RTL4: variants seen among roughly 807,000 people sequenced by gnomAD.
RTL4 encodes the protein retrotransposon Gag like 4, also known as retrotransposon Gag-like protein 4.
Under a neutral mutation model 5.3 loss-of-function variants are expected in RTL4, and 4 were observed. The observed-to-expected ratio is 0.75, with a 90% CI of 0.37 to 1.72. The LOEUF (loss-of-function observed/expected upper bound fraction) is 1.72. RTL4 is among the 40% of genes most tolerant of loss of function. RTL4 has a pLI of 0.04. For synonymous variants in RTL4, 98 were observed against 87.3 expected (o/e 1.12, Z -0.68); for missense variants, 260 against 227.1 (o/e 1.14, Z -0.93).
At chrX:112,275,979 C>A in the RTL4 span, among the ~76,000 whole-genome samples, 1 of 111,851 alleles carries the variant, frequency 8.9e-6, no homozygotes, top group Non-Finnish European at 1.9e-5. Context: ...GTTATTCTCT[C>A]TAGGGAGTGT....
the RTL4 span, among the ~76,000 whole-genome samples, chrX:112,156,475 A>G: frequency 3.6e-5 from 4 of 112,351 alleles, no homozygotes; most frequent in East Asian, 1.1e-3. Flanking sequence ...ATGGTGGAAA[A>G]TCTGGACAGA....
chrX:112,271,017 G>A, the RTL4 span, among the ~76,000 whole-genome samples: 1 of 89,166 alleles, frequency 1.1e-5, no homozygotes, highest in Middle Eastern at 6.5e-3. Context: ...CTAAGATATG[G>A]AACTGCTGTG....
At chrX:112,451,480 T>C (rs747641924), upstream of RTL4, among the ~76,000 whole-genome samples, 5 of 110,714 alleles carry the variant, frequency 4.5e-5, no homozygotes, top group Non-Finnish European at 7.6e-5. Flanking sequence ...GCCTAGGCAA[T>C]AGAGTGAGGT....
the RTL4 span, among the ~76,000 whole-genome samples, chrX:112,308,014 C>T: frequency 9.0e-6 from 1 of 111,511 alleles, no homozygotes; most frequent in Non-Finnish European, 1.9e-5. Flanking sequence ...ATTACACTAT[C>T]TTTTCTCCAA....
At chrX:112,113,196 G>A in the RTL4 span, among the ~76,000 whole-genome samples, 8 of 110,466 alleles carry the variant, frequency 7.2e-5, no homozygotes, top group Non-Finnish European at 1.5e-4. Flanking sequence ...GATTTAGACT[G>A]GGCGGGCATT....
chrX:112,162,677 G>T, the RTL4 span, among the ~76,000 whole-genome samples: 3 of 111,953 alleles, frequency 2.7e-5, no homozygotes, highest in African/African-American at 9.7e-5. Context: ...GGAAACCTTT[G>T]TTAATTATTA....
the RTL4 span, among the ~76,000 whole-genome samples, chrX:112,108,669 G>A: frequency 1.8e-5 from 2 of 111,715 alleles, no homozygotes; most frequent in Non-Finnish European, 3.8e-5. Flanking sequence ...TGTCCACTGG[G>A]GCAGTACTGA....
chrX:112,266,654 T>G, the RTL4 span, among the ~76,000 whole-genome samples: 1 of 111,441 alleles, frequency 9.0e-6, no homozygotes, highest in Non-Finnish European at 1.9e-5. Flanking sequence ...CTTTTAAAGT[T>G]GGCCATTTGA....
chrX:112,434,811 G>A, the RTL4 span, among the ~76,000 whole-genome samples: 1 of 111,512 alleles, frequency 9.0e-6, no homozygotes, highest in Non-Finnish European at 1.9e-5. Flanking sequence ...CATCAGCTTA[G>A]TGAGTCTTGG....
chrX:112,087,329 CT>C, the RTL4 span, among the ~76,000 whole-genome samples: 1,028 of 91,146 alleles, frequency 0.011, 10 homozygotes, highest in Admixed American at 0.023. Flanking sequence ...TGGTCTTCAG[CT>C]TTTTTTTTTT....
chrX:112,209,982 A>G, the RTL4 span, among the ~76,000 whole-genome samples: 1 of 112,011 alleles, frequency 8.9e-6, no homozygotes, highest in South Asian at 3.8e-4. Context: ...CCTATCTGCC[A>G]CTGACACCCC....
chrX:112,261,996 A>G, the RTL4 span, among the ~76,000 whole-genome samples: 1 of 111,998 alleles, frequency 8.9e-6, no homozygotes, highest in Non-Finnish European at 1.9e-5. Context: ...CCATAGGTAG[A>G]AAGCTGAAAC....
At chrX:112,156,452 G>A in the RTL4 span, among the ~76,000 whole-genome samples, 5 of 112,217 alleles carry the variant, frequency 4.5e-5, no homozygotes, top group Admixed American at 9.5e-5. Context: ...ACTCTAAAAA[G>A]ATACATATCT....
the RTL4 span, among the ~76,000 whole-genome samples, chrX:112,173,006 G>C: frequency 0.025 from 2,664 of 106,615 alleles, 77 homozygotes; most frequent in African/African-American, 0.084. Context: ...GGGCCTGTTG[G>C]GGGGGTCGGG....
the RTL4 span, among the ~76,000 whole-genome samples, chrX:112,446,588 C>G: frequency 8.9e-6 from 1 of 112,552 alleles, no homozygotes; most frequent in African/African-American, 3.2e-5. Context: ...TGGTTCATAC[C>G]TGTAATCCCA....
At chrX:112,351,107 C>T in the RTL4 span, among the ~76,000 whole-genome samples, 1 of 111,366 alleles carries the variant, frequency 9.0e-6, no homozygotes, top group Admixed American at 9.6e-5. Context: ...TTTATTTCTA[C>T]CTTCATTTCG....
the RTL4 span, among the ~76,000 whole-genome samples, chrX:112,309,836 A>G: frequency 1.9e-5 from 2 of 107,269 alleles, no homozygotes; most frequent in East Asian, 6.0e-4. Flanking sequence ...ATATATACAT[A>G]TATGTATACA....
the RTL4 span, among the ~76,000 whole-genome samples, chrX:112,135,090 G>GA: frequency 8.9e-6 from 1 of 112,222 alleles, no homozygotes; most frequent in East Asian, 2.8e-4. Flanking sequence ...TAAATCATAT[G>GA]TGTATGTTTA....
chrX:112,436,240 T>A, the RTL4 span, among the ~76,000 whole-genome samples: 1 of 109,459 alleles, frequency 9.1e-6, no homozygotes, highest in Non-Finnish European at 1.9e-5. Context: ...AAAAAAAAAC[T>A]ACCATACTAG....
Sources: allele counts gnomAD v4.1 joint callset (sites outside exome capture counted in the v4.1 genomes callset), GRCh38; gene constraint gnomAD v4.1.1; transcripts MANE v1.5; gene names NCBI Gene and HGNC (gene_info 2026-07-23, HGNC 2026-07-21).